FARS2: variants seen among roughly 807,000 people sequenced by gnomAD.
FARS2 encodes the protein phenylalanyl-tRNA synthetase 2, mitochondrial.
In FARS2, 40 loss-of-function variants were observed where a neutral mutation model predicts 46.4. The observed-to-expected ratio is 0.86, with a 90% CI of 0.67 to 1.12. The LOEUF (loss-of-function observed/expected upper bound fraction) is 1.12. Ranked by LOEUF, FARS2 falls within the 50% of genes most tolerant of loss-of-function variation. The pLI, the probability that FARS2 is intolerant of heterozygous loss-of-function variation, is 0.00. For missense variants in FARS2, 513 were observed against 567.9 expected (o/e 0.90, Z 0.98); for synonymous variants, 234 against 214.9 (o/e 1.09, Z -0.78).
At chr6:5,653,054 T>A (rs1466886111) in intron 6 of FARS2, among the ~76,000 whole-genome samples, 2 of 152,370 alleles carry the variant, frequency 1.3e-5, no homozygotes, top group East Asian at 3.9e-4. Context: ...AATATGCCAC[T>A]TTATTTTTAT....
At chr6:5,653,573 G>C (rs762436396) in intron 6 of FARS2, among the ~76,000 whole-genome samples, 1 of 152,206 alleles carries the variant, frequency 6.6e-6, no homozygotes, top group South Asian at 2.1e-4. Context: ...TGACGAGACT[G>C]GTGTATGAGA....
At chr6:5,733,912 C>G (rs73364230) in intron 6 of FARS2, among the ~76,000 whole-genome samples, 9 of 152,254 alleles carry the variant, frequency 5.9e-5, no homozygotes, top group African/African-American at 2.2e-4. Flanking sequence ...ATTGGAATAG[C>G]CTTGCTATTG....
chr6:5,717,908 C>CTATATATA (rs58922507), intron 6 of FARS2, among the ~76,000 whole-genome samples: 23 of 77,724 alleles, frequency 3.0e-4, no homozygotes, highest in African/African-American at 6.6e-4. Context: ...AAGGTATCAG[C>CTATATATA]TATATATATA....
intron 6 of FARS2, among the ~76,000 whole-genome samples, chr6:5,742,242 C>T (rs1761388802): frequency 6.6e-6 from 1 of 152,208 alleles, no homozygotes; most frequent in Admixed American, 6.5e-5. Context: ...TGGGGTGCAG[C>T]TTTCACCCTT....
At chr6:5,449,867 C>G (rs1006525971) in intron 4 of FARS2, among the ~76,000 whole-genome samples, 18 of 152,176 alleles carry the variant, frequency 1.2e-4, no homozygotes, top group Non-Finnish European at 2.4e-4. Flanking sequence ...TTGAGATACT[C>G]AAGCTGTACC....
intron 4 of FARS2, among the ~76,000 whole-genome samples, chr6:5,498,180 TA>T (rs1401890999): frequency 1.3e-5 from 2 of 152,378 alleles, no homozygotes; most frequent in African/African-American, 4.8e-5. Context: ...AAGAAATGAT[TA>T]AAATTTTTTT....
In FARS2 at chr6:5,404,572, C is replaced by G. The variant is rs748159371; in HGVS notation, c.643C>G (p.Leu215Val). 1 of 1,607,642 alleles carries G rather than the reference C, an allele frequency of 6.2e-7. No homozygotes were observed. Among genetic ancestry groups the G allele is most frequent in the Middle Eastern group, 1.7e-4 (1 of 5,970 alleles). ...LFAGIKDGES[L>V]QLFEQSSRSA... Reference sequence around the variant, plus strand: ...TGCTGGTATAAAGGATGGAGAAAGCCTGCAGCTCTTTGAACAAAGTTCTCG... The same window carrying G: ...TGCTGGTATAAAGGATGGAGAAAGCGTGCAGCTCTTTGAACAAAGTTCTCG... The change falls in exon 3 of 7, where the codon CTG becomes GTG. Residue 215 changes from leucine (L) to valine (V), a missense_variant. Transcript: ENST00000274680.
At chr6:5,549,899 C>T (rs956197842) in intron 5 of FARS2, among the ~76,000 whole-genome samples, 9 of 152,102 alleles carry the variant, frequency 5.9e-5, no homozygotes, top group Admixed American at 3.3e-4. Context: ...GAACCCATTG[C>T]AAAATCAACT....
At chr6:5,759,034 G>A (rs1762355640) in intron 6 of FARS2, among the ~76,000 whole-genome samples, 1 of 152,176 alleles carries the variant, frequency 6.6e-6, no homozygotes, top group African/African-American at 2.4e-5. Flanking sequence ...TCTAAACTGA[G>A]CTTGACGGGA....
chr6:5,380,293 A>G (rs1224938218), intron 2 of FARS2, among the ~76,000 whole-genome samples: 1 of 152,206 alleles, frequency 6.6e-6, no homozygotes, highest in East Asian at 1.9e-4. Context: ...TGCCATTTAC[A>G]TTCTACATTT....
chr6:5,712,532 C>G (rs1003046345), intron 6 of FARS2, among the ~76,000 whole-genome samples: 4 of 152,250 alleles, frequency 2.6e-5, no homozygotes, highest in Non-Finnish European at 2.9e-5. Context: ...CACTTTCCAT[C>G]TCCTCAGCAA....
At chr6:5,722,913 C>T (rs575962632) in intron 6 of FARS2, among the ~76,000 whole-genome samples, 1 of 152,292 alleles carries the variant, frequency 6.6e-6, no homozygotes, top group African/African-American at 2.4e-5. Context: ...AGATTACATA[C>T]AGCATGGTAT....
intron 6 of FARS2, among the ~76,000 whole-genome samples, chr6:5,757,672 T>C (rs1394110401): frequency 6.6e-6 from 1 of 152,190 alleles, no homozygotes; most frequent in Non-Finnish European, 1.5e-5. Flanking sequence ...TTGGAGGCAG[T>C]TGCATGCCTA....
In FARS2 at chr6:5,402,577, GTTTA is replaced by G. The variant is rs1377523098; in HGVS notation, c.613-1953_613-1950del. Among the ~76,000 whole-genome samples the G allele has an allele frequency of 1.6e-4, 25 of 152,094 alleles. 1 individual carries two copies. Among genetic ancestry groups the G allele is most frequent in the Admixed American group, 1.4e-3 (22 of 15,280 alleles). On this transcript the variant is annotated intron_variant, in intron 2 of 6. Transcript: ENST00000274680. ...TAGTGTAGCAATGCACACTTTAGTG[GTTTA>G]TTTATTTATTTTTGGTGTGGGTTAG...
intron 3 of FARS2, among the ~76,000 whole-genome samples, chr6:5,427,685 G>A (rs1014811913): frequency 2.0e-5 from 3 of 151,976 alleles, no homozygotes; most frequent in Admixed American, 6.6e-5. Context: ...GAAAAACATC[G>A]GCTAACGTCC....
chr6:5,606,074 C>T (rs1284720321), intron 5 of FARS2, among the ~76,000 whole-genome samples: 1 of 151,946 alleles, frequency 6.6e-6, no homozygotes, highest in Non-Finnish European at 1.5e-5. Context: ...TCAGAAGCTC[C>T]GCAGTATGGA....
At chr6:5,688,392 T>G (rs928442606) in intron 6 of FARS2, among the ~76,000 whole-genome samples, 11 of 152,234 alleles carry the variant, frequency 7.2e-5, no homozygotes, top group Non-Finnish European at 1.3e-4. Context: ...CCTAATTTAT[T>G]GAGAGTTTTT....
chr6:5,256,085 A>G (rs1489639564), upstream of FARS2, among the ~76,000 whole-genome samples: 4 of 152,006 alleles, frequency 2.6e-5, no homozygotes, highest in South Asian at 8.3e-4. Flanking sequence ...TCATGCCAAG[A>G]TTGAGAAATC....
chr6:5,508,605 G>C (rs1561672419), intron 4 of FARS2, among the ~76,000 whole-genome samples: 1 of 152,216 alleles, frequency 6.6e-6, no homozygotes, highest in Non-Finnish European at 1.5e-5. Flanking sequence ...CCCACAGGGA[G>C]GGCACAGGCC....
Sources: gnomAD v4.1 joint callset for allele counts (sites outside exome capture counted in the v4.1 genomes callset) on GRCh38, gnomAD v4.1.1 for gene constraint, MANE v1.5 for transcripts, NCBI Gene and HGNC (gene_info 2026-07-23, HGNC 2026-07-21) for gene names.